Variants in NLRP4 observed in about 807,000 individuals in gnomAD.
The protein encoded by NLRP4 is NACHT, LRR and PYD domains-containing protein 4.
A neutral mutation model predicts 84.7 loss-of-function variants in NLRP4; 44 were observed. The ratio of observed to expected loss-of-function variants is 0.52; its 90% CI spans 0.41 to 0.67. The LOEUF is 0.67. NLRP4 is among the 30% of genes least tolerant of loss of function. NLRP4 has a pLI of 0.00. For synonymous variants in NLRP4, 544 were observed against 476.4 expected (o/e 1.14, Z -1.85); for missense variants, 1,260 against 1,219.4 (o/e 1.03, Z -0.50).
At chr19:55,869,469 G>A (rs1985090177) in intron 6 of NLRP4, among the ~76,000 whole-genome samples, 1 of 152,124 alleles carries the variant, frequency 6.6e-6, no homozygotes, top group Non-Finnish European at 1.5e-5. Flanking sequence ...GCTGGGTGAG[G>A]CCTCCGTGGA....
chr19:55,847,969 C>T (rs147496247), intron 1 of NLRP4, among the ~76,000 whole-genome samples: 244 of 152,236 alleles, frequency 1.6e-3, no homozygotes, highest in East Asian at 0.014. Context: ...CCTGCCTTAG[C>T]CTCCCAAAGT....
intron 1 of NLRP4, among the ~76,000 whole-genome samples, chr19:55,837,515 C>T (rs1035374912): frequency 5.9e-5 from 9 of 151,954 alleles, no homozygotes; most frequent in Non-Finnish European, 1.0e-4. Context: ...TTTGTTTAGA[C>T]TATGAAACGT....
rs529434250 is a variant in NLRP4, at chr19:55,855,394, C to T, written c.281-2280C>T. On this transcript the variant is annotated intron_variant, in intron 2 of 9. Transcript: ENST00000301295. The stretch of plus-strand genomic sequence containing the variant: ...CCTTATGAGCAACCAAACATGTCAC[C>T]GAAATCTCCAGAACAGCTGAGAAGA... 4.6e-5 allele frequency among the ~76,000 whole-genome samples: 7 copies of T among 152,242 alleles called. No individual in the cohort carries two copies. The East Asian group carries it at 5.8e-4, about 13-fold the overall frequency.
At chr19:55,847,984 G>A (rs983853297) in intron 1 of NLRP4, among the ~76,000 whole-genome samples, 13 of 152,094 alleles carry the variant, frequency 8.5e-5, no homozygotes, top group Admixed American at 8.5e-4. Context: ...CAAAGTGCTG[G>A]GATGACAGGC....
At chr19:55,877,189 T>C in intron 8 of NLRP4, 23 bp downstream of exon 8, 1 of 1,608,834 alleles carries the variant, frequency 6.2e-7, no homozygotes, top group Non-Finnish European at 8.5e-7. Context: ...AAGCTCCTGG[T>C]TATGTTTTCA....
Position 55,850,749 on chromosome 19 carries a change from C to G in NLRP4, c.-65-1267C>G, listed in dbSNP as rs1984073412. Among the ~76,000 whole-genome samples the G allele has an allele frequency of 2.3e-5, 3 of 133,154 alleles. 1 individual carries two copies. Among genetic ancestry groups the G allele is most frequent in the Admixed American group, 2.2e-4 (3 of 13,454 alleles). 87.4% of individuals were successfully genotyped at this position (133,154 alleles called of 152,430 possible). On this transcript the variant is annotated intron_variant, in intron 1 of 9. Coordinates refer to ENST00000301295, the MANE Select transcript of NLRP4 (RefSeq NM_134444.5). ...ACTTTCCGAGGCTGCGGTGTACTTC[C>G]CGAGGCTGCGGTGTAATTTCCGAGG...
rs1568664835 is a variant in NLRP4 at position 55,858,431 on chromosome 19, C to G, written c.1038C>G (p.Ile346Met). Residue 346 changes from isoleucine (I) to methionine (M), a missense_variant, in exon 3 of 10, where the codon ATC (isoleucine) becomes ATG (methionine). Around this residue, in one of 3 missense-constraint regions of NLRP4, gnomAD observed 712 missense variants for 669.2 expected, o/e 1.06. Transcript: ENST00000301295. The surrounding 1 kb of genome is among the most constrained non-coding windows in gnomAD (Gnocchi z 4.2). Reference protein sequence around the residue: ...SICQIPLLCWILCTSLKQEMQ... With the variant: ...SICQIPLLCWMLCTSLKQEMQ... ...GCCAAATCCCGCTCCTCTGCTGGATCCTGTGTACCAGTCTGAAGCAAGAGA... is the reference window on the plus strand; with the variant it reads ...GCCAAATCCCGCTCCTCTGCTGGATGCTGTGTACCAGTCTGAAGCAAGAGA... The G allele has an allele frequency of 8.7e-6, 14 of 1,614,110 alleles. No individual in the cohort carries two copies. Among genetic ancestry groups the G allele is most frequent in the Non-Finnish European group, 9.3e-6 (11 of 1,180,016 alleles).
intron 1 of NLRP4, among the ~76,000 whole-genome samples, chr19:55,840,702 A>C (rs1983580548): frequency 6.6e-6 from 1 of 152,004 alleles, no homozygotes; most frequent in African/African-American, 2.4e-5. Context: ...CCGGCTGATC[A>C]TTCGTATATT....
intron 1 of NLRP4, among the ~76,000 whole-genome samples, 184 bp downstream of exon 1, chr19:55,837,118 T>TA (rs1233362147): frequency 1.3e-5 from 2 of 152,192 alleles, no homozygotes; most frequent in Non-Finnish European, 1.5e-5. Context: ...GATGTGTTGG[T>TA]ACATGTATAC....
intron 1 of NLRP4, among the ~76,000 whole-genome samples, chr19:55,848,702 G>C (rs1211260671): frequency 1.3e-5 from 2 of 152,134 alleles, no homozygotes; most frequent in Non-Finnish European, 2.9e-5. Context: ...ATGCCCGGCT[G>C]TACTATATTC....
chr19:55,866,680 A>C (rs1373730949), intron 5 of NLRP4, among the ~76,000 whole-genome samples: 1 of 152,194 alleles, frequency 6.6e-6, no homozygotes, highest in African/African-American at 2.4e-5. Flanking sequence ...CAGAGACCTG[A>C]ATGATAAAGA....
chr19:55,853,906 TTTC>T, intron 2 of NLRP4, among the ~76,000 whole-genome samples: 1 of 135,178 alleles, frequency 7.4e-6, no homozygotes, highest in African/African-American at 3.3e-5. Flanking sequence ...TCTCTCTCTC[TTTC>T]TCTTTCTTTC....
chr19:55,857,325 A>ATGTGTGTGTGTGTG (rs35115500), intron 2 of NLRP4: 3,210 of 272,318 alleles, frequency 0.012, 20 homozygotes, highest in South Asian at 0.02. Flanking sequence ...GTAGCAATGA[A>ATGTGTGTGTGTGTG]TGTGTGTGTG....
In NLRP4 at chr19:55,870,918, G is replaced by A. The variant is rs1985155131; in HGVS notation, c.2446G>A (p.Ala816Thr). The A allele has an allele frequency of 1.2e-6, 2 of 1,613,936 alleles. No individual in the cohort carries two copies. Among genetic ancestry groups the A allele is most frequent in the African/African-American group, 1.3e-5 (1 of 75,046 alleles). Residue 816 changes from alanine (A) to threonine (T), a missense_variant, in exon 7 of 10, where the codon GCC becomes ACC. By Grantham distance (58) the Ala-to-Thr change is moderately conservative. This residue lies in a region of NLRP4 where 544 missense variants were observed against 531.7 expected (regional missense o/e 1.02). Transcript: ENST00000301295. Reference sequence around the variant, plus strand: ...GAGCGTGCGCTATCTAGACCTCAGTGCCAATGTCCTGAAGGACGAAGGACT... The same window carrying A: ...GAGCGTGCGCTATCTAGACCTCAGTACCAATGTCCTGAAGGACGAAGGACT... ...NKSVRYLDLSANVLKDEGLKT... is the reference protein window; with the variant it reads ...NKSVRYLDLSTNVLKDEGLKT...
intron 2 of NLRP4, among the ~76,000 whole-genome samples, chr19:55,853,026 A>C (rs1476629089): frequency 6.6e-6 from 1 of 152,216 alleles, no homozygotes; most frequent in Non-Finnish European, 1.5e-5. Context: ...CAGTGAACTG[A>C]GGTTGACTGG....
In NLRP4 at chr19:55,873,909, CAGAT is replaced by C. The variant is rs1203665716; in HGVS notation, c.2525+2913_2525+2916del. ...AAAGGAATATACTTTGCAACAAACT[CAGAT>C]GGAGCTGTAGTGCATGTATATATTT... On this transcript the variant is annotated intron_variant, in intron 7 of 9. Coordinates refer to ENST00000301295, the MANE Select transcript of NLRP4 (RefSeq NM_134444.5). Among the ~76,000 whole-genome samples the C allele has an allele frequency of 2.6e-5, 4 of 151,850 alleles. No homozygotes were observed. The East Asian group carries it at 7.7e-4, about 29-fold the overall frequency.
chr19:55,865,171 T>C (rs1425377903), intron 5 of NLRP4, among the ~76,000 whole-genome samples: 1 of 152,144 alleles, frequency 6.6e-6, no homozygotes, highest in Non-Finnish European at 1.5e-5. Flanking sequence ...CTGGTGTCTG[T>C]TGTCCTTTTC....
At position 55,874,984 on chromosome 19, in the gene NLRP4, A is replaced by T. The variant is rs191468251; in HGVS notation, c.2526-2012A>T. Reference sequence around the variant, plus strand: ...TAACATTAAAAAGATTAGTAAAAAAATCAATGTAAATCACTTTACTGGTTA... The same window carrying T: ...TAACATTAAAAAGATTAGTAAAAAATTCAATGTAAATCACTTTACTGGTTA... On this transcript the variant is annotated intron_variant, in intron 7 of 9. Coordinates refer to ENST00000301295, the MANE Select transcript of NLRP4 (RefSeq NM_134444.5). Among the ~76,000 whole-genome samples the T allele has an allele frequency of 1.7e-3, 264 of 152,350 alleles. 4 individuals are homozygous for T. In the East Asian group the frequency reaches 0.024, roughly 14 times the overall value.
intron 3 of NLRP4, among the ~76,000 whole-genome samples, chr19:55,860,142 C>T (rs1435816511): frequency 2.0e-5 from 3 of 151,870 alleles, no homozygotes; most frequent in Non-Finnish European, 4.4e-5. Flanking sequence ...CCCGCCACCA[C>T]ACCCAGCTAA....
Sources: gnomAD v4.1 joint callset for allele counts (sites outside exome capture counted in the v4.1 genomes callset) on GRCh38, gnomAD v4.1.1 for gene constraint, gnomAD v4.1.1 regional missense constraint, Gnocchi (gnomAD v3.1) non-coding constraint, MANE v1.5 for transcripts, NCBI Gene and HGNC (gene_info 2026-07-23, HGNC 2026-07-21) for gene names.